Variants in ZDHHC15 observed in about 807,000 individuals in gnomAD.
ZDHHC15 encodes the protein zDHHC palmitoyltransferase 15.
Under a neutral mutation model 31.7 loss-of-function variants are expected in ZDHHC15, and 19 were observed. The observed-to-expected ratio is 0.60, with a 90% CI of 0.42 to 0.88. ZDHHC15 has a LOEUF of 0.88. Among genes scored for constraint, ZDHHC15 ranks in the 40% least tolerant of loss-of-function variants. The pLI is 0.00. For synonymous variants in ZDHHC15, 103 were observed against 90.0 expected (o/e 1.14, Z -0.82); for missense variants, 209 against 251.2 (o/e 0.83, Z 1.14).
chrX:75,473,122 G>A (rs1569348216), intron 3 of ZDHHC15, among the ~76,000 whole-genome samples: 1 of 111,875 alleles, frequency 8.9e-6, no homozygotes, highest in African/African-American at 3.2e-5. Flanking sequence ...GGCTAAAGAC[G>A]TGAGGCAGTG....
rs746344689 is a variant in ZDHHC15, at chrX:75,368,661, T to C, written c.*4317A>G. On this transcript the variant is annotated 3_prime_UTR_variant, in exon 12 of 12. Coordinates refer to ENST00000373367, the MANE Select transcript of ZDHHC15 (RefSeq NM_144969.3). ...CAAGACCCACTGCCAGCTTTCCTTT[T>C]ATGTTCCTTCACTGATTAAGCCAGC... The C allele has an allele frequency of 3.1e-4, 35 of 111,943 alleles. No homozygotes were observed. The highest frequency in any genetic ancestry group is 3.6e-4 in the Non-Finnish European group (19 of 53,163). 9.2% of individuals were successfully genotyped at this position (111,943 alleles called of 1,213,427 possible).
intron 10 of ZDHHC15, among the ~76,000 whole-genome samples, chrX:75,390,130 G>T (rs2083225616): frequency 8.9e-6 from 1 of 111,932 alleles, no homozygotes; most frequent in Non-Finnish European, 1.9e-5. Flanking sequence ...CTGTGTATTT[G>T]TGGAAAGGGG....
chrX:75,456,094 GA>G (rs1353997680), intron 3 of ZDHHC15, among the ~76,000 whole-genome samples: 3 of 111,506 alleles, frequency 2.7e-5, no homozygotes, highest in African/African-American at 9.8e-5. Context: ...CAAAGACTTG[GA>G]ACCAACCCAA....
intron 1 of ZDHHC15, among the ~76,000 whole-genome samples, chrX:75,506,348 T>C (rs2085163545): frequency 9.0e-6 from 1 of 111,198 alleles, no homozygotes; most frequent in Non-Finnish European, 1.9e-5. Flanking sequence ...GTCAGAAAAA[T>C]AGGGAAAAAG....
chrX:75,462,185 G>A (rs888885724), intron 3 of ZDHHC15, among the ~76,000 whole-genome samples: 1 of 112,026 alleles, frequency 8.9e-6, no homozygotes, highest in African/African-American at 3.2e-5. Flanking sequence ...GACAAAGAAG[G>A]ATATTACATA....
rs2083693782 is a variant in ZDHHC15 at position 75,424,918 on chromosome X, T to A, written c.604-134A>T. ...TTTAAAAAATAGATTCTGTAAAATT[T>A]TTATAATATGGTTCTTTCTGTCAAT... On this transcript the variant is annotated intron_variant, in intron 7 of 11. Transcript: ENST00000373367. 3 of 720,187 alleles carry A rather than the reference T, an allele frequency of 4.2e-6. No individual in the cohort carries two copies. In the South Asian group the frequency reaches 1.3e-4, roughly 30 times the overall value. 59.4% of individuals were successfully genotyped at this position (720,187 alleles called of 1,213,427 possible).
rs116054108 is a variant in ZDHHC15 at position 75,452,404 on chromosome X, C to A, written c.259-1482G>T. On this transcript the variant is annotated intron_variant, in intron 3 of 11. Transcript: ENST00000373367. ...GATTCATAAAACAAGTCCTAACAGA[C>A]CTAAAAAGAGACTTAGACTCCACAC... 4.6e-3 allele frequency among the ~76,000 whole-genome samples: 509 copies of A among 110,837 alleles called. 3 individuals are homozygous for A. Among genetic ancestry groups the A allele is most frequent in the African/African-American group, 0.016 (489 of 30,478 alleles).
chrX:75,417,205 A>C lies in ZDHHC15; in HGVS notation c.864-15T>G. 8.9e-7 allele frequency: 1 copy of C among 1,127,381 alleles called. No homozygotes were observed. Among genetic ancestry groups the C allele is most frequent in the Non-Finnish European group, 1.2e-6 (1 of 823,071 alleles). The allele number at this position is 1,127,381 out of a possible 1,213,427, so 92.9% of individuals were successfully genotyped here. A position where few individuals can be genotyped will look rare whatever the true frequency, so the allele number is the denominator to read the frequency against. On this transcript the variant is annotated splice_polypyrimidine_tract_variant and intron_variant, in intron 9 of 11. Coordinates refer to ENST00000373367, the MANE Select transcript of ZDHHC15 (RefSeq NM_144969.3). ...CATCACCAGGGCTGATGGGAAAAGA[A>C]AGGCAGTGACCTATTGCAGCTGACA...
At chrX:75,497,676 C>T (rs770098108) in intron 2 of ZDHHC15, among the ~76,000 whole-genome samples, 18 of 111,494 alleles carry the variant, frequency 1.6e-4, no homozygotes, top group South Asian at 3.8e-4. Context: ...GTTTAACATA[C>T]GCAAGCAATA....
Position 75,444,671 on chromosome X carries a change from TATATATATATATATATACAC to T in ZDHHC15, c.379+6111_379+6130del, listed in dbSNP as rs1325766070. On this transcript the variant is annotated intron_variant, in intron 4 of 11. Coordinates refer to ENST00000373367, the MANE Select transcript of ZDHHC15 (RefSeq NM_144969.3). Reference sequence around the variant, plus strand: ...ATATATATATATATATATATATATATATATATATATATATATACACACACACACACACACACACACAAATT... The same window carrying T: ...ATATATATATATATATATATATATATACACACACACACACACACACAAATT... Among the ~76,000 whole-genome samples, 39 of 69,173 alleles carry T rather than the reference TATATATATATATATATACAC, an allele frequency of 5.6e-4. 2 individuals are homozygous for T. Among genetic ancestry groups the T allele is most frequent in the Admixed American group, 2.0e-3 (13 of 6,352 alleles). The allele number at this position is 69,173 out of a possible 115,157, so 60.1% of individuals were successfully genotyped here.
At chrX:75,448,183 G>A (rs1031696559) in intron 4 of ZDHHC15, among the ~76,000 whole-genome samples, 3 of 112,330 alleles carry the variant, frequency 2.7e-5, no homozygotes, top group East Asian at 2.8e-4. Flanking sequence ...ACCATGCCCC[G>A]TGATTAGGTC....
intron 11 of ZDHHC15, among the ~76,000 whole-genome samples, chrX:75,373,791 C>A (rs1488232793): frequency 1.8e-5 from 2 of 110,886 alleles, no homozygotes; most frequent in Non-Finnish European, 3.8e-5. Context: ...GTATCCATCA[C>A]CTCAAGCATT....
At chrX:75,430,110 T>C (rs1439420675) in intron 5 of ZDHHC15, 130 bp from the exon 6 acceptor site, 11 of 672,982 alleles carry the variant, frequency 1.6e-5, no homozygotes, top group African/African-American at 2.2e-5. Flanking sequence ...ATTTCCACTA[T>C]AGTGACTCCA....
At chrX:75,373,926 GTTTTTTTTTTTTT>G (rs35704680) in intron 11 of ZDHHC15, among the ~76,000 whole-genome samples, 1 of 50,456 alleles carries the variant, frequency 2.0e-5, no homozygotes, top group African/African-American at 7.6e-5. Context: ...CATTCTTTCT[GTTTTTTTTTTTTT>G]TTTTTTTTTG....
chrX:75,384,384 T>A lies in ZDHHC15; in HGVS notation c.968-5186A>T, dbSNP rs188150775. The A allele has an allele frequency of 9.9e-6, 10 of 1,009,249 alleles. No individual in the cohort carries two copies. In the East Asian group the frequency reaches 3.0e-4, roughly 31 times the overall value. 83.2% of individuals were successfully genotyped at this position (1,009,249 alleles called of 1,213,427 possible). On this transcript the variant is annotated intron_variant, in intron 10 of 11. Coordinates refer to ENST00000373367, the MANE Select transcript of ZDHHC15 (RefSeq NM_144969.3). ...AGGGAAAGAGGAGAGGCACCCAATA[T>A]ATGTTCTCTAGGCCTTTTAGAAAAC...
At chrX:75,478,639 A>AAATTG (rs1275253540) in intron 3 of ZDHHC15, among the ~76,000 whole-genome samples, 2 of 111,326 alleles carry the variant, frequency 1.8e-5, no homozygotes, top group African/African-American at 6.5e-5. Context: ...TCAGCCTCCA[A>AAATTG]AATTGTTGGG....
At chrX:75,441,902 C>A (rs931979514) in intron 4 of ZDHHC15, among the ~76,000 whole-genome samples, 1 of 111,173 alleles carries the variant, frequency 9.0e-6, no homozygotes, top group African/African-American at 3.3e-5. Flanking sequence ...GAATTACAGG[C>A]ATGAGCCACC....
chrX:75,492,715 G>T (rs1322525800), intron 2 of ZDHHC15, among the ~76,000 whole-genome samples: 2 of 111,577 alleles, frequency 1.8e-5, no homozygotes, highest in African/African-American at 3.3e-5. Context: ...CAGAAATAAA[G>T]ATGTTCTTTG....
chrX:75,518,453 G>T (rs919508443), intron 1 of ZDHHC15, among the ~76,000 whole-genome samples: 1 of 109,427 alleles, frequency 9.1e-6, no homozygotes, highest in Non-Finnish European at 1.9e-5. Flanking sequence ...CAGTAAGATG[G>T]CTATAATAAA....
Sources: gnomAD v4.1 joint callset for allele counts (sites outside exome capture counted in the v4.1 genomes callset) on GRCh38, gnomAD v4.1.1 for gene constraint, MANE v1.5 for transcripts, NCBI Gene and HGNC (gene_info 2026-07-23, HGNC 2026-07-21) for gene names.